HPSE2: variants seen among roughly 807,000 people sequenced by gnomAD.
HPSE2 encodes heparanase 2 (inactive), also known as inactive heparanase-2.
In HPSE2, 38 loss-of-function variants were observed where a neutral mutation model predicts 60.5. That is an observed-to-expected ratio of 0.63 (90% CI 0.48 to 0.82). HPSE2 has a LOEUF of 0.82. HPSE2 is among the 40% of genes least tolerant of loss of function. HPSE2 has a pLI of 0.00. For synonymous variants in HPSE2, 295 were observed against 293.2 expected, an observed-to-expected ratio of 1.01 and a Z score of -0.06; for missense variants, 713 against 740.4, an observed-to-expected ratio of 0.96 and a Z score of 0.43.
At chr10:98,563,894 C>T (rs1461401437) in intron 9 of HPSE2, among the ~76,000 whole-genome samples, 1 of 152,138 alleles carries the variant, frequency 6.6e-6, no homozygotes, top group South Asian at 2.1e-4. Flanking sequence ...TGGGTAGGAA[C>T]CTTGCTTCTG....
At chr10:98,840,087 T>G (rs1162856317) in intron 3 of HPSE2, among the ~76,000 whole-genome samples, 1 of 152,232 alleles carries the variant, frequency 6.6e-6, no homozygotes, top group Non-Finnish European at 1.5e-5. Flanking sequence ...GTTGGTGATT[T>G]TGAACTCAAG....
intron 3 of HPSE2, among the ~76,000 whole-genome samples, chr10:98,960,355 CTTTAT>C (rs1175564644): frequency 6.6e-6 from 1 of 152,046 alleles, no homozygotes. Flanking sequence ...TTTATACTGT[CTTTAT>C]TTTTAGTTAC....
At chr10:98,570,803 T>C (rs1303264237) in intron 9 of HPSE2, among the ~76,000 whole-genome samples, 1 of 128,172 alleles carries the variant, frequency 7.8e-6, no homozygotes, top group Non-Finnish European at 1.7e-5. Flanking sequence ...ACGCACCTCA[T>C]GTCTTCTGGC....
At chr10:99,178,891 T>C (rs1184705740) in intron 2 of HPSE2, among the ~76,000 whole-genome samples, 2 of 152,178 alleles carry the variant, frequency 1.3e-5, no homozygotes, top group African/African-American at 4.8e-5. Context: ...GCAAACCGAA[T>C]CCAGCAGCAC....
intron 3 of HPSE2, among the ~76,000 whole-genome samples, chr10:99,033,560 A>G (rs1402413575): frequency 1.3e-5 from 2 of 152,152 alleles, no homozygotes; most frequent in African/African-American, 4.8e-5. Context: ...AGGCGGGCAT[A>G]TCACAAGGTC....
At chr10:98,577,057 C>CT (rs1294591292) in intron 9 of HPSE2, among the ~76,000 whole-genome samples, 3 of 151,874 alleles carry the variant, frequency 2.0e-5, no homozygotes, top group Non-Finnish European at 4.4e-5. Context: ...TATTCTCACA[C>CT]TTTCTTCTGT....
intron 3 of HPSE2, among the ~76,000 whole-genome samples, chr10:98,803,164 CGTT>C (rs1950957945): frequency 6.7e-6 from 1 of 148,774 alleles, no homozygotes; most frequent in African/African-American, 2.5e-5. Context: ...TTTTTGATGG[CGTT>C]GTTTGTTTTT....
rs190641808 is a variant in HPSE2 at position 98,834,513 on chromosome 10, T to C, written c.611-90457A>G. Among the ~76,000 whole-genome samples, 337 of 152,206 alleles carry C rather than the reference T, an allele frequency of 2.2e-3. 1 individual carries two copies. The highest frequency in any genetic ancestry group is 3.6e-3 in the Non-Finnish European group (245 of 67,978). ...GATAGAATATCACCATTTTGCAACA[T>C]CCAATGAATTAATGCATTTGTACAC... On this transcript the variant is annotated intron_variant, in intron 3 of 11. Coordinates refer to ENST00000370552, the MANE Select transcript of HPSE2 (RefSeq NM_021828.5).
intron 3 of HPSE2, among the ~76,000 whole-genome samples, chr10:98,867,397 G>C (rs1201051070): frequency 7.2e-5 from 11 of 151,936 alleles, no homozygotes; most frequent in Non-Finnish European, 5.9e-5. Flanking sequence ...ATGAAAAAGT[G>C]CTCAACAACA....
chr10:98,595,200 C>T lies in HPSE2; in HGVS notation c.1320+19704G>A, dbSNP rs1022971165. Among the ~76,000 whole-genome samples, 9 of 130,746 alleles carry T rather than the reference C, an allele frequency of 6.9e-5. No homozygotes were observed. In the East Asian group the frequency reaches 1.6e-3, roughly 23 times the overall value. The allele number at this position is 130,746 out of a possible 152,430, so 85.8% of individuals were successfully genotyped here. A position where few individuals can be genotyped will look rare whatever the true frequency, so the allele number is the denominator to read the frequency against. ...TTTTTTTTTTTTTGAGACGGAGTCT[C>T]GCTCTGTCACCCAGGCTGGAGTGCA... On this transcript the variant is annotated intron_variant, in intron 9 of 11. Coordinates refer to ENST00000370552, the MANE Select transcript of HPSE2 (RefSeq NM_021828.5).
chr10:98,661,095 A>AG (rs150429457), intron 6 of HPSE2, among the ~76,000 whole-genome samples: 1,916 of 152,308 alleles, frequency 0.013, 37 homozygotes, highest in African/African-American at 0.043. Flanking sequence ...TGTTTGGCAT[A>AG]GGATAACCTG....
chr10:98,959,948 C>T (rs1279479683), intron 3 of HPSE2, among the ~76,000 whole-genome samples: 2 of 151,952 alleles, frequency 1.3e-5, no homozygotes, highest in Non-Finnish European at 2.9e-5. Context: ...AAAGTTTTTT[C>T]CCCCCACAGG....
chr10:98,855,301 G>C (rs1255222334), intron 3 of HPSE2, among the ~76,000 whole-genome samples: 3 of 152,104 alleles, frequency 2.0e-5, no homozygotes, highest in African/African-American at 7.2e-5. Context: ...ATCTCACTGG[G>C]CACGCTTTAA....
At chr10:99,001,570 T>C (rs1159211564) in intron 3 of HPSE2, among the ~76,000 whole-genome samples, 2 of 152,178 alleles carry the variant, frequency 1.3e-5, no homozygotes, top group South Asian at 2.1e-4. Flanking sequence ...CAAAATAGAT[T>C]TTACCTTTAA....
the HPSE2 span, among the ~76,000 whole-genome samples, chr10:99,286,900 A>G: frequency 2.6e-5 from 4 of 152,170 alleles, no homozygotes; most frequent in African/African-American, 9.6e-5. Flanking sequence ...TACTTTTATC[A>G]TCCCATTTTT....
At chr10:99,016,051 A>G (rs1957133658) in intron 3 of HPSE2, among the ~76,000 whole-genome samples, 1 of 152,098 alleles carries the variant, frequency 6.6e-6, no homozygotes, top group African/African-American at 2.4e-5. Flanking sequence ...ATCAGATCCC[A>G]TTTGTCAATT....
At chr10:98,913,185 C>A (rs746282193) in intron 3 of HPSE2, among the ~76,000 whole-genome samples, 5 of 151,976 alleles carry the variant, frequency 3.3e-5, no homozygotes, top group Non-Finnish European at 5.9e-5. Context: ...AATTTAGATC[C>A]AAGGTAGAGT....
At chr10:98,615,433 C>T (rs1173067286) in intron 8 of HPSE2, among the ~76,000 whole-genome samples, 1 of 152,144 alleles carries the variant, frequency 6.6e-6, no homozygotes, top group Non-Finnish European at 1.5e-5. Context: ...CTGCTTATAC[C>T]CTGTCCCTGA....
intron 3 of HPSE2, among the ~76,000 whole-genome samples, chr10:98,801,002 C>G (rs1317278065): frequency 6.6e-6 from 1 of 152,060 alleles, no homozygotes; most frequent in Non-Finnish European, 1.5e-5. Context: ...CTAAATTCAA[C>G]AATACACTGA....
Sources: gnomAD v4.1 joint callset for allele counts (sites outside exome capture counted in the v4.1 genomes callset) on GRCh38, gnomAD v4.1.1 for gene constraint, MANE v1.5 for transcripts, NCBI Gene and HGNC (gene_info 2026-07-23, HGNC 2026-07-21) for gene names.